MOB3B: variants seen among roughly 807,000 people sequenced by gnomAD.
MOB3B encodes the protein MOB kinase activator 3B.
A neutral mutation model predicts 18.7 loss-of-function variants in MOB3B; 7 were observed. The ratio of observed to expected loss-of-function variants is 0.37; its 90% CI spans 0.21 to 0.70. The LOEUF (loss-of-function observed/expected upper bound fraction) is 0.70, where lower values mean the gene tolerates loss of function less well. MOB3B is among the 30% of genes least tolerant of loss of function. The pLI, the probability that MOB3B is intolerant of heterozygous loss-of-function variation, is 0.52. For synonymous variants in MOB3B, 111 were observed against 99.9 expected (o/e 1.11, Z -0.66); for missense variants, 253 against 281.3 (o/e 0.90, Z 0.72).
chr9:27,519,331 T>C (rs1288753262), intron 1 of MOB3B, among the ~76,000 whole-genome samples: 1 of 152,164 alleles, frequency 6.6e-6, no homozygotes, highest in Non-Finnish European at 1.5e-5. Flanking sequence ...CTCATATCCA[T>C]AAAGGGCTGA....
At chr9:27,410,337 A>T (rs893258866) in intron 2 of MOB3B, among the ~76,000 whole-genome samples, 3 of 152,192 alleles carry the variant, frequency 2.0e-5, no homozygotes, top group South Asian at 2.1e-4. Context: ...CACAGTCAGG[A>T]TAGTACAAGT....
chr9:27,423,057 A>G (rs1822279306), intron 2 of MOB3B, among the ~76,000 whole-genome samples: 1 of 152,308 alleles, frequency 6.6e-6, no homozygotes, highest in Non-Finnish European at 1.5e-5. Context: ...CCACATGGAG[A>G]GCCAGAAAGA....
intron 1 of MOB3B, among the ~76,000 whole-genome samples, chr9:27,527,126 A>T (rs1312196861): frequency 6.6e-6 from 1 of 152,186 alleles, no homozygotes; most frequent in African/African-American, 2.4e-5. Flanking sequence ...TTTTAATTCT[A>T]AAAGAAACTG....
intron 1 of MOB3B, among the ~76,000 whole-genome samples, chr9:27,473,918 T>G (rs139550613): frequency 9.5e-4 from 144 of 152,328 alleles, no homozygotes; most frequent in African/African-American, 3.2e-3. Flanking sequence ...AGTTTGGTTA[T>G]GAGGGCTCTA....
intron 1 of MOB3B, among the ~76,000 whole-genome samples, chr9:27,456,605 G>A (rs1208339946): frequency 2.0e-5 from 3 of 152,156 alleles, no homozygotes; most frequent in African/African-American, 4.8e-5. Flanking sequence ...AACTTGAGTT[G>A]GTTCTGTTTC....
Position 27,529,570 on chromosome 9 carries a change from C to G in MOB3B, c.-214G>C. 1 of 985,568 alleles carries G rather than the reference C, an allele frequency of 1.0e-6. No homozygotes were observed. The highest frequency in any genetic ancestry group is 1.2e-6 in the Non-Finnish European group (1 of 830,040). 61.1% of individuals were successfully genotyped at this position (985,568 alleles called of 1,614,324 possible). A position where few individuals can be genotyped will look rare whatever the true frequency, so the allele number is the denominator to read the frequency against. On this transcript the variant is annotated 5_prime_UTR_variant, in exon 1 of 4. Coordinates refer to ENST00000262244, the MANE Select transcript of MOB3B (RefSeq NM_024761.5). Reference sequence around the variant, plus strand: ...TCTTACTCACCGTGGGGTTTTACCTCCAGCCCAGGGCCCGGTCGGCTCCCT... The same window carrying G: ...TCTTACTCACCGTGGGGTTTTACCTGCAGCCCAGGGCCCGGTCGGCTCCCT...
rs564629961 is a variant in MOB3B, at chr9:27,420,692, A to C, written c.418+34441T>G. On this transcript the variant is annotated intron_variant, in intron 2 of 3. Transcript: ENST00000262244. The stretch of plus-strand genomic sequence containing the variant: ...ATTATTCTAAGTGAAGTAACTCAGG[A>C]ATGGAAAACCAAAGGTCATATGGTC... Among the ~76,000 whole-genome samples the C allele has an allele frequency of 1.5e-4, 23 of 150,526 alleles. 1 individual carries two copies. Among genetic ancestry groups the C allele is most frequent in the Non-Finnish European group, 2.5e-4 (17 of 67,686 alleles).
intron 2 of MOB3B, among the ~76,000 whole-genome samples, chr9:27,376,262 TC>T (rs1316802648): frequency 1.3e-5 from 2 of 152,256 alleles, no homozygotes; most frequent in Non-Finnish European, 2.9e-5. Context: ...TGACAGTTGG[TC>T]CTGACAATTT....
chr9:27,494,126 G>A lies in MOB3B; in HGVS notation c.-199+35429C>T, dbSNP rs1029247125. ...CCCATAGTGCTCCCAGGCTTATTAG[G>A]AAGAGGAAATTCCTGCCTAATAAAT... On this transcript the variant is annotated intron_variant, in intron 1 of 3. Transcript: ENST00000262244. Among the ~76,000 whole-genome samples, 5 of 152,166 alleles carry A rather than the reference G, an allele frequency of 3.3e-5. No homozygotes were observed. In the East Asian group the frequency reaches 9.6e-4, roughly 29 times the overall value.
intron 2 of MOB3B, among the ~76,000 whole-genome samples, chr9:27,367,862 G>A (rs933063010): frequency 1.3e-5 from 2 of 152,182 alleles, no homozygotes; most frequent in South Asian, 4.1e-4. Flanking sequence ...AAGGACATAT[G>A]ATGAAACCTG....
At chr9:27,506,893 G>C (rs542662765) in intron 1 of MOB3B, among the ~76,000 whole-genome samples, 13 of 149,660 alleles carry the variant, frequency 8.7e-5, no homozygotes, top group Middle Eastern at 3.5e-3. Context: ...TCTTGGCCAG[G>C]ATGGTCTTGA....
chr9:27,417,233 G>A (rs943194442), intron 2 of MOB3B, among the ~76,000 whole-genome samples: 32 of 152,060 alleles, frequency 2.1e-4, no homozygotes, highest in Admixed American at 2.0e-3. Flanking sequence ...GCGTGGTGGC[G>A]GGCACCTGTA....
chr9:27,490,230 A>G (rs1340983690), intron 1 of MOB3B, among the ~76,000 whole-genome samples: 1 of 152,220 alleles, frequency 6.6e-6, no homozygotes. Context: ...CAACAGGTAT[A>G]GAGGACCTAC....
At chr9:27,481,506 T>TG (rs201409309) in intron 1 of MOB3B, among the ~76,000 whole-genome samples, 863 of 54,628 alleles carry the variant, frequency 0.016, 11 homozygotes, top group African/African-American at 0.048. Flanking sequence ...AGTTTTTTTT[T>TG]TTTTGTTTTT....
At chr9:27,371,286 G>A (rs914519738) in intron 2 of MOB3B, among the ~76,000 whole-genome samples, 4 of 152,214 alleles carry the variant, frequency 2.6e-5, no homozygotes, top group Admixed American at 2.0e-4. Flanking sequence ...CTTGAGCGGG[G>A]CTTTGCAGAG....
chr9:27,426,095 G>A (rs1344756085), intron 2 of MOB3B, among the ~76,000 whole-genome samples: 1 of 152,178 alleles, frequency 6.6e-6, no homozygotes, highest in African/African-American at 2.4e-5. Context: ...CATCCTCTCA[G>A]TAAATCTTAG....
chr9:27,449,520 G>A lies in MOB3B; in HGVS notation c.418+5613C>T, dbSNP rs144714209. ...AACTTAGAGATAAAGTCACACAGCA[G>A]CTTCTAAGTGACAGAGCTAATTGAT... On this transcript the variant is annotated intron_variant, in intron 2 of 3. Coordinates refer to ENST00000262244, the MANE Select transcript of MOB3B (RefSeq NM_024761.5). Among the ~76,000 whole-genome samples the A allele has an allele frequency of 8.5e-5, 13 of 152,286 alleles. No individual in the cohort carries two copies. In the East Asian group the frequency reaches 2.5e-3, roughly 29 times the overall value.
intron 1 of MOB3B, among the ~76,000 whole-genome samples, chr9:27,461,006 A>T (rs77325985): frequency 0.055 from 8,342 of 152,280 alleles, 608 homozygotes; most frequent in African/African-American, 0.17. Flanking sequence ...TGAAGTAACA[A>T]GTCTGCCTCC....
chr9:27,526,360 C>T (rs1820436668), intron 1 of MOB3B: 2 of 152,208 alleles, frequency 1.3e-5, no homozygotes, highest in Non-Finnish European at 2.9e-5. Context: ...AAATAACTAT[C>T]AGCAGAGTTG....
Sources: allele counts gnomAD v4.1 joint callset (sites outside exome capture counted in the v4.1 genomes callset), GRCh38; gene constraint gnomAD v4.1.1; transcripts MANE v1.5; gene names NCBI Gene and HGNC (gene_info 2026-07-23, HGNC 2026-07-21).